Variants in ATP8A1 observed in about 807,000 individuals in gnomAD.
ATP8A1 encodes the protein ATPase phospholipid transporting 8A1.
Under a neutral mutation model 177.7 loss-of-function variants are expected in ATP8A1, and 90 were observed. That is an observed-to-expected ratio of 0.51 (90% CI 0.43 to 0.60). The LOEUF (loss-of-function observed/expected upper bound fraction) is 0.60, where lower values mean the gene tolerates loss of function less well. Among genes scored for constraint, ATP8A1 ranks in the 20% least tolerant of loss-of-function variants. The pLI, the probability that ATP8A1 is intolerant of heterozygous loss-of-function variation, is 0.00. For missense variants in ATP8A1, 1,072 were observed against 1,392.8 expected (o/e 0.77, Z 3.67); for synonymous variants, 493 against 485.9 (o/e 1.01, Z -0.19).
chr4:42,596,666 CAAAAA>C lies in ATP8A1; in HGVS notation c.450+3807_450+3811del, dbSNP rs71648737. On this transcript the variant is annotated intron_variant, in intron 6 of 36. Coordinates refer to ENST00000381668, the MANE Select transcript of ATP8A1 (RefSeq NM_006095.2). ...TGGGCAACAGAGCGAGACTCCATCTCAAAAAAAAAAAAAAAAAAGAAAAGAAAAAA... is the reference window on the plus strand; with the variant it reads ...TGGGCAACAGAGCGAGACTCCATCTCAAAAAAAAAAAAAGAAAAGAAAAAA... 2.3e-3 allele frequency among the ~76,000 whole-genome samples: 167 copies of C among 74,020 alleles called. 1 individual carries two copies. Among genetic ancestry groups the C allele is most frequent in the African/African-American group, 8.1e-3 (161 of 19,846 alleles). The allele number at this position is 74,020 out of a possible 152,430, so 48.6% of individuals were successfully genotyped here.
intron 6 of ATP8A1, among the ~76,000 whole-genome samples, chr4:42,592,779 T>C (rs1734318936): frequency 2.0e-5 from 3 of 152,238 alleles, no homozygotes; most frequent in South Asian, 4.1e-4. Flanking sequence ...AGCATGTTAC[T>C]GTATGGAATA....
At position 42,410,055 on chromosome 4, in the gene ATP8A1, C is replaced by G. The variant is rs1344970939; in HGVS notation, c.*2861G>C. 6.6e-6 allele frequency: 1 copy of G among 152,142 alleles called. No homozygotes were observed. The highest frequency in any genetic ancestry group is 1.5e-5 in the Non-Finnish European group (1 of 67,998). The allele number at this position is 152,142 out of a possible 1,614,324, so 9.4% of individuals were successfully genotyped here. A position where few individuals can be genotyped will look rare whatever the true frequency, so the allele number is the denominator to read the frequency against. On this transcript the variant is annotated 3_prime_UTR_variant, in exon 37 of 37. Transcript: ENST00000381668. ...GCTGAAGCAGTCTCACATTAGAGCA[C>G]AGAGTGGAGGTGGGAGGACGGGAAG...
rs556731245 is a variant in ATP8A1 at position 42,478,122 on chromosome 4, AG to A, written c.2324+7373del. Among the ~76,000 whole-genome samples the A allele has an allele frequency of 5.6e-3, 859 of 152,242 alleles. 5 individuals are homozygous for A. The highest frequency in any genetic ancestry group is 9.0e-3 in the Non-Finnish European group (611 of 68,008). ...GTAATCCCAGCCCTTTGGGAGACTG[AG>A]GCAGGTGGATCCCTTGAGCTCAGGA... is the stretch of plus-strand genomic sequence containing the variant. On this transcript the variant is annotated intron_variant, in intron 25 of 36. Transcript: ENST00000381668.
At chr4:42,603,785 G>A (rs1460418519) in intron 5 of ATP8A1, among the ~76,000 whole-genome samples, 2 of 152,288 alleles carry the variant, frequency 1.3e-5, no homozygotes, top group East Asian at 3.9e-4. Context: ...CCTCAGGCTA[G>A]TTTCCTGCAT....
chr4:42,564,016 A>G (rs184851353), intron 15 of ATP8A1, among the ~76,000 whole-genome samples: 65 of 152,280 alleles, frequency 4.3e-4, no homozygotes, highest in African/African-American at 1.5e-3. Flanking sequence ...AATCACTTGA[A>G]CCAAGGAGGA....
intron 30 of ATP8A1, 39 bp from the exon 31 acceptor site, chr4:42,446,683 G>T: frequency 6.5e-7 from 1 of 1,548,154 alleles, no homozygotes; most frequent in Non-Finnish European, 8.9e-7. Flanking sequence ...AGGAAAATGA[G>T]ATTCTTTCAG....
At chr4:42,591,027 AT>A (rs1380521001) in intron 6 of ATP8A1, 143 bp from the exon 7 acceptor site, 7 of 700,542 alleles carry the variant, frequency 1.0e-5, no homozygotes, top group Non-Finnish European at 1.4e-5. Context: ...TCTAATGCCA[AT>A]TTTTTTCAAA....
intron 15 of ATP8A1, among the ~76,000 whole-genome samples, chr4:42,559,907 T>C (rs1002077185): frequency 6.6e-6 from 1 of 152,238 alleles, no homozygotes; most frequent in African/African-American, 2.4e-5. Flanking sequence ...GGTTTTGCCA[T>C]GTTGGCCAGG....
chr4:42,601,349 T>A (rs1018639729), intron 5 of ATP8A1, among the ~76,000 whole-genome samples: 2 of 139,070 alleles, frequency 1.4e-5, no homozygotes, highest in Non-Finnish European at 3.1e-5. Flanking sequence ...AAAATCCAAA[T>A]TTTCTATATT....
Position 42,614,370 on chromosome 4 carries a change from T to C in ATP8A1, c.409+1663A>G, listed in dbSNP as rs565304176. On this transcript the variant is annotated intron_variant, in intron 5 of 36. Transcript: ENST00000381668. ...ATTATGGGTTGGAAAAGCATTTATG[T>C]ACTTCTGTTTCAAAAGCTGTTACTG... Among the ~76,000 whole-genome samples, 11 of 152,344 alleles carry C rather than the reference T, an allele frequency of 7.2e-5. No individual in the cohort carries two copies. The South Asian group carries it at 1.9e-3, about 26-fold the overall frequency.
At chr4:42,527,946 C>T (rs906768095) in intron 20 of ATP8A1, among the ~76,000 whole-genome samples, 2 of 152,084 alleles carry the variant, frequency 1.3e-5, no homozygotes, top group African/African-American at 4.8e-5. Flanking sequence ...CCAGAGAGAC[C>T]TCTGGCCTTT....
chr4:42,598,367 T>C (rs1277196589), intron 6 of ATP8A1, among the ~76,000 whole-genome samples: 1 of 152,156 alleles, frequency 6.6e-6, no homozygotes, highest in Non-Finnish European at 1.5e-5. Flanking sequence ...CTATACTACT[T>C]AAATCTGCTC....
chr4:42,631,196 T>A (rs1275152730), intron 1 of ATP8A1, among the ~76,000 whole-genome samples: 3 of 152,320 alleles, frequency 2.0e-5, no homozygotes, highest in Admixed American at 6.5e-5. Context: ...CCTTGTTACA[T>A]GGTAAGTTAC....
chr4:42,504,391 C>T (rs956354938), intron 23 of ATP8A1, among the ~76,000 whole-genome samples: 6 of 152,210 alleles, frequency 3.9e-5, no homozygotes, highest in Admixed American at 2.0e-4. Flanking sequence ...CCTACTTTCC[C>T]TTCAGTTTTC....
intron 20 of ATP8A1, among the ~76,000 whole-genome samples, chr4:42,542,221 T>C (rs1560438687): frequency 6.6e-6 from 1 of 152,128 alleles, no homozygotes; most frequent in Admixed American, 6.6e-5. Flanking sequence ...ATTAAATTTT[T>C]TTTCAGAACA....
At chr4:42,530,039 C>G (rs534471096) in intron 20 of ATP8A1, among the ~76,000 whole-genome samples, 1 of 152,302 alleles carries the variant, frequency 6.6e-6, no homozygotes, top group East Asian at 1.9e-4. Flanking sequence ...TGCTCACCAA[C>G]GGGTAATCTC....
chr4:42,600,143 T>A (rs1363526045), intron 6 of ATP8A1, among the ~76,000 whole-genome samples: 1 of 11,698 alleles, frequency 8.5e-5, no homozygotes, highest in African/African-American at 9.5e-5. Context: ...ACATCAGAAC[T>A]CAAAATTCTT....
At chr4:42,448,401 C>CTTTTCTTTTTTTTTTTTTTTT (rs1553875016) in intron 30 of ATP8A1, among the ~76,000 whole-genome samples, 5 of 99,570 alleles carry the variant, frequency 5.0e-5, no homozygotes, top group African/African-American at 1.7e-4. Context: ...TCTTTCTTTT[C>CTTTTCTTTTTTTTTTTTTTTT]TTTTTTTTTT....
intron 1 of ATP8A1, among the ~76,000 whole-genome samples, chr4:42,642,718 T>G (rs927627855): frequency 6.6e-6 from 1 of 152,166 alleles, no homozygotes; most frequent in Non-Finnish European, 1.5e-5. Context: ...AATCACTCCA[T>G]GCAGTAAGTA....
Sources: gnomAD v4.1 joint callset for allele counts (sites outside exome capture counted in the v4.1 genomes callset) on GRCh38, gnomAD v4.1.1 for gene constraint, MANE v1.5 for transcripts, NCBI Gene and HGNC (gene_info 2026-07-23, HGNC 2026-07-21) for gene names.